MTA3: variants seen among roughly 807,000 people sequenced by gnomAD.
MTA3 encodes the protein metastasis associated 1 family member 3, also known as metastasis-associated protein MTA3.
In MTA3, 34 loss-of-function variants were observed where a neutral mutation model predicts 83.5. That is an observed-to-expected ratio of 0.41 (90% CI 0.31 to 0.54). The LOEUF (loss-of-function observed/expected upper bound fraction) is 0.54. Among genes scored for constraint, MTA3 ranks in the 20% least tolerant of loss-of-function variants. The probability of loss-of-function intolerance (pLI) is 0.33; values close to 1 mark genes in which losing one functional copy is unlikely to be tolerated. For missense variants in MTA3, 761 were observed against 726.4 expected (o/e 1.05, Z -0.55); for synonymous variants, 303 against 252.7 (o/e 1.20, Z -1.89).
At chr2:42,529,251 A>T (rs1675851684) in intron 2 of MTA3, among the ~76,000 whole-genome samples, 2 of 152,166 alleles carry the variant, frequency 1.3e-5, no homozygotes, top group South Asian at 4.1e-4. Flanking sequence ...AAGACCAGCT[A>T]GGCCTCTTTA....
At chr2:42,663,901 G>C (rs758071182) in intron 8 of MTA3, among the ~76,000 whole-genome samples, 1 of 152,002 alleles carries the variant, frequency 6.6e-6, no homozygotes, top group Non-Finnish European at 1.5e-5. Flanking sequence ...GATTACTTTT[G>C]TATCACATAT....
chr2:42,728,339 G>T (rs1339600297), intron 16 of MTA3, among the ~76,000 whole-genome samples: 4 of 152,160 alleles, frequency 2.6e-5, no homozygotes, highest in African/African-American at 9.7e-5. Context: ...CAACTTGTCT[G>T]TTGATGGACA....
At chr2:42,609,282 C>T (rs1431109983) in intron 3 of MTA3, among the ~76,000 whole-genome samples, 176 bp from the exon 4 acceptor site, 3 of 152,118 alleles carry the variant, frequency 2.0e-5, no homozygotes, top group Non-Finnish European at 4.4e-5. Context: ...CCACCTGCCT[C>T]AGCTTCCCAA....
At chr2:42,572,574 TA>T (rs112432253) in intron 2 of MTA3, among the ~76,000 whole-genome samples, 23 of 148,664 alleles carry the variant, frequency 1.5e-4, no homozygotes, top group East Asian at 2.0e-4. Context: ...GTCTCGAAAT[TA>T]AAAAAAAAAA....
At chr2:42,562,284 G>A (rs1477341256) in intron 2 of MTA3, among the ~76,000 whole-genome samples, 1 of 152,060 alleles carries the variant, frequency 6.6e-6, no homozygotes. Flanking sequence ...TTCTGGGTGG[G>A]CATGTCTTTT....
At chr2:42,561,394 C>T (rs975755193) in intron 2 of MTA3, among the ~76,000 whole-genome samples, 6 of 151,782 alleles carry the variant, frequency 4.0e-5, no homozygotes, top group Non-Finnish European at 8.8e-5. Flanking sequence ...ACAATCTTGG[C>T]TCACTGCAAC....
intron 3 of MTA3, among the ~76,000 whole-genome samples, chr2:42,581,052 G>T (rs764223147): frequency 2.0e-5 from 3 of 152,048 alleles, no homozygotes; most frequent in Non-Finnish European, 4.4e-5. Flanking sequence ...CAAGTTAGTT[G>T]TCTCATAAGT....
intron 2 of MTA3, among the ~76,000 whole-genome samples, chr2:42,496,888 C>A (rs1674161578): frequency 6.6e-6 from 1 of 152,204 alleles, no homozygotes; most frequent in Non-Finnish European, 1.5e-5. Context: ...CATCCATTTT[C>A]ATCAGGGCAT....
At chr2:42,564,375 T>C (rs1183064776), upstream of MTA3, among the ~76,000 whole-genome samples, 6 of 152,214 alleles carry the variant, frequency 3.9e-5, no homozygotes, top group South Asian at 8.3e-4. Context: ...AGGGATTTCA[T>C]GTTTTTTGCA....
At chr2:42,588,816 A>G (rs1407444881) in intron 3 of MTA3, among the ~76,000 whole-genome samples, 3 of 152,118 alleles carry the variant, frequency 2.0e-5, no homozygotes, top group Non-Finnish European at 4.4e-5. Flanking sequence ...ACATATATAT[A>G]TATGCTATAT....
chr2:42,738,827 C>G (rs111608117), intron 16 of MTA3, among the ~76,000 whole-genome samples: 2 of 152,340 alleles, frequency 1.3e-5, no homozygotes, highest in African/African-American at 4.8e-5. Context: ...ATGGTTGAGA[C>G]TGCAGGGGTG....
chr2:42,509,413 G>C (rs1056923074), intron 2 of MTA3, among the ~76,000 whole-genome samples: 1 of 152,010 alleles, frequency 6.6e-6, no homozygotes, highest in East Asian at 1.9e-4. Flanking sequence ...AAGGACTCTG[G>C]GGTCAGTTCA....
At chr2:42,584,389 T>TA (rs1403897629) in intron 3 of MTA3, among the ~76,000 whole-genome samples, 1 of 152,214 alleles carries the variant, frequency 6.6e-6, no homozygotes, top group Non-Finnish European at 1.5e-5. Context: ...CTTTCAAACT[T>TA]AAAGTGTCCA....
chr2:42,521,082 G>T (rs1410311601), intron 2 of MTA3, among the ~76,000 whole-genome samples: 1 of 152,184 alleles, frequency 6.6e-6, no homozygotes, highest in African/African-American at 2.4e-5. Flanking sequence ...GTGGGGATTG[G>T]ACCTAGTGGC....
intron 2 of MTA3, among the ~76,000 whole-genome samples, chr2:42,518,621 G>A (rs1157375642): frequency 6.6e-6 from 1 of 152,124 alleles, no homozygotes; most frequent in African/African-American, 2.4e-5. Context: ...CCACCCTGAA[G>A]GAGGTTGATC....
intron 7 of MTA3, among the ~76,000 whole-genome samples, chr2:42,656,596 A>T (rs1250428228): frequency 6.6e-6 from 1 of 152,212 alleles, no homozygotes; most frequent in East Asian, 1.9e-4. Context: ...AAAAAGAGTC[A>T]TCCTTTTTAC....
At chr2:42,515,250 G>A (rs1044323830) in intron 2 of MTA3, among the ~76,000 whole-genome samples, 1 of 151,798 alleles carries the variant, frequency 6.6e-6, no homozygotes, top group Non-Finnish European at 1.5e-5. Flanking sequence ...GTAGAGACAG[G>A]GTTTCACCCT....
chr2:42,628,214 A>ATT (rs1274561215), intron 4 of MTA3, among the ~76,000 whole-genome samples: 1 of 147,434 alleles, frequency 6.8e-6, no homozygotes, highest in Non-Finnish European at 1.5e-5. Flanking sequence ...CGTTTTATTT[A>ATT]TTTATTTATT....
chr2:42,651,063 C>T (rs1688670943), intron 6 of MTA3, among the ~76,000 whole-genome samples: 1 of 152,172 alleles, frequency 6.6e-6, no homozygotes, highest in Non-Finnish European at 1.5e-5. Context: ...ACCTGTACAG[C>T]ATGTTACTAT....
Sources: allele counts gnomAD v4.1 joint callset (sites outside exome capture counted in the v4.1 genomes callset), GRCh38; gene constraint gnomAD v4.1.1; transcripts MANE v1.5; gene names NCBI Gene and HGNC (gene_info 2026-07-23, HGNC 2026-07-21).